The following SLC8A1 variants were observed in gnomAD, a reference collection of about 807,000 sequenced individuals.
The protein encoded by SLC8A1 is sodium/calcium exchanger 1.
In SLC8A1, 18 loss-of-function variants were observed where a neutral mutation model predicts 68.3. That is an observed-to-expected ratio of 0.26 (90% confidence interval 0.18 to 0.39). SLC8A1 has a LOEUF of 0.39. Among genes scored for constraint, SLC8A1 ranks in the 10% least tolerant of loss-of-function variants. SLC8A1 has a pLI of 1.00. For synonymous variants in SLC8A1, 475 were observed against 415.5 expected, an observed-to-expected ratio of 1.14 and a Z score of -1.74; for missense variants, 985 against 1,156.7, an observed-to-expected ratio of 0.85 and a Z score of 2.15.
intron 2 of SLC8A1, among the ~76,000 whole-genome samples, chr2:40,200,162 T>C (rs2053854105): frequency 1.2e-5 from 1 of 85,954 alleles, no homozygotes; most frequent in Non-Finnish European, 2.2e-5. Flanking sequence ...CATAGAGGAT[T>C]TCAAGTCATT....
At chr2:40,121,472 G>C (rs1179256552) in intron 7 of SLC8A1, among the ~76,000 whole-genome samples, 4 of 152,156 alleles carry the variant, frequency 2.6e-5, no homozygotes, top group Non-Finnish European at 4.4e-5. Context: ...AGGCGTCACG[G>C]AGATGCTGGG....
intron 6 of SLC8A1, among the ~76,000 whole-genome samples, chr2:40,147,050 G>C (rs577383450): frequency 1.3e-5 from 2 of 152,218 alleles, no homozygotes; most frequent in Admixed American, 1.3e-4. Flanking sequence ...TATGGTCTTT[G>C]TTGGGGTGGT....
intron 2 of SLC8A1, among the ~76,000 whole-genome samples, chr2:40,178,747 A>C (rs543079723): frequency 5.3e-5 from 8 of 152,334 alleles, no homozygotes; most frequent in Non-Finnish European, 1.0e-4. Context: ...CAGTATTAAT[A>C]GGTTTGTCAT....
intron 6 of SLC8A1, among the ~76,000 whole-genome samples, chr2:40,158,334 A>G (rs1046464482): frequency 6.6e-6 from 1 of 152,214 alleles, no homozygotes; most frequent in Non-Finnish European, 1.5e-5. Context: ...AACTTTTGAA[A>G]CTGCCCTTCA....
At chr2:40,139,432 G>A (rs200954219) in exon 7 of SLC8A1, 15 of 1,614,084 alleles carry the variant, frequency 9.3e-6, no homozygotes, top group East Asian at 8.9e-5. Context: ...CGACGAACAC[G>A]ACTGCAGTCA....
intron 2 of SLC8A1, among the ~76,000 whole-genome samples, chr2:40,287,046 C>G (rs751298796): frequency 1.3e-4 from 20 of 152,104 alleles, no homozygotes; most frequent in Non-Finnish European, 2.4e-4. Flanking sequence ...TAACAGGTCA[C>G]CTACCTCCCA....
chr2:40,236,092 C>G (rs1198730049), intron 2 of SLC8A1, among the ~76,000 whole-genome samples: 4 of 151,968 alleles, frequency 2.6e-5, no homozygotes, highest in Admixed American at 6.6e-5. Flanking sequence ...TTGGGGTGGA[C>G]AGTTCTGTAG....
intron 2 of SLC8A1, among the ~76,000 whole-genome samples, chr2:40,217,140 G>C (rs1197493059): frequency 6.6e-6 from 1 of 152,042 alleles, no homozygotes; most frequent in African/African-American, 2.4e-5. Context: ...TTAAAGTCTT[G>C]AATCCATCTT....
chr2:40,413,993 A>G (rs1038960533), intron 2 of SLC8A1, among the ~76,000 whole-genome samples: 2 of 152,174 alleles, frequency 1.3e-5, no homozygotes, highest in African/African-American at 4.8e-5. Flanking sequence ...TACTAATTAA[A>G]AAAGAAAATT....
At chr2:40,417,179 C>CT (rs897809512) in intron 2 of SLC8A1, among the ~76,000 whole-genome samples, 20 of 152,004 alleles carry the variant, frequency 1.3e-4, no homozygotes, top group African/African-American at 4.6e-4. Context: ...TGTAACTTTT[C>CT]TTTTAGGTTT....
chr2:40,328,138 G>A (rs1181139914), intron 2 of SLC8A1, among the ~76,000 whole-genome samples: 1 of 152,096 alleles, frequency 6.6e-6, no homozygotes, highest in Non-Finnish European at 1.5e-5. Context: ...GTTTGGATGA[G>A]TTGAGGTAGA....
At chr2:40,306,975 G>A (rs1036307876) in intron 2 of SLC8A1, among the ~76,000 whole-genome samples, 3 of 151,956 alleles carry the variant, frequency 2.0e-5, no homozygotes, top group Non-Finnish European at 4.4e-5. Flanking sequence ...TCCATAAGTT[G>A]AAAAAAATCA....
At chr2:40,307,042 G>C (rs968138998) in intron 2 of SLC8A1, among the ~76,000 whole-genome samples, 1 of 151,920 alleles carries the variant, frequency 6.6e-6, no homozygotes, top group African/African-American at 2.4e-5. Flanking sequence ...AGAAATATTT[G>C]CTCATCCATG....
chr2:40,188,800 T>G (rs191999673), intron 2 of SLC8A1, among the ~76,000 whole-genome samples: 3 of 152,376 alleles, frequency 2.0e-5, no homozygotes, highest in African/African-American at 7.2e-5. Context: ...TCCCTCTCTG[T>G]GTCCCTGGCC....
intron 2 of SLC8A1, among the ~76,000 whole-genome samples, chr2:40,279,991 G>A (rs983568762): frequency 6.6e-6 from 1 of 152,074 alleles, no homozygotes; most frequent in Non-Finnish European, 1.5e-5. Context: ...AATTGCATCT[G>A]TATTGGCAGA....
At chr2:40,313,380 A>C (rs2074002377) in intron 2 of SLC8A1, among the ~76,000 whole-genome samples, 1 of 152,062 alleles carries the variant, frequency 6.6e-6, no homozygotes. Context: ...GAGTTGTACA[A>C]GTCTTTGTAT....
chr2:40,392,538 T>C (rs994437723), intron 2 of SLC8A1, among the ~76,000 whole-genome samples: 15 of 152,070 alleles, frequency 9.9e-5, no homozygotes, highest in Non-Finnish European at 1.9e-4. Context: ...CACAAGCAGC[T>C]TGACATAACA....
chr2:40,151,554 C>CAAG (rs2043435998), intron 6 of SLC8A1, among the ~76,000 whole-genome samples: 1 of 151,478 alleles, frequency 6.6e-6, no homozygotes, highest in Non-Finnish European at 1.5e-5. Context: ...CAGATCTGTT[C>CAAG]CTATTAATAG....
chr2:40,182,364 T>C (rs973486253), intron 2 of SLC8A1, among the ~76,000 whole-genome samples: 2 of 152,166 alleles, frequency 1.3e-5, no homozygotes, highest in South Asian at 4.1e-4. Context: ...ATTTGAGCAG[T>C]ATACTATAAA....
Sources: gnomAD v4.1 joint callset for allele counts (sites outside exome capture counted in the v4.1 genomes callset) on GRCh38, gnomAD v4.1.1 for gene constraint, MANE v1.5 for transcripts, NCBI Gene and HGNC (gene_info 2026-07-23, HGNC 2026-07-21) for gene names.